Variants in DLGAP4 observed in about 807,000 individuals in gnomAD.
The protein encoded by DLGAP4 is DLG associated protein 4, also known as disks large-associated protein 4.
DLGAP4 carries 18 observed loss-of-function variants against 86.9 expected under a neutral mutation model. That is an observed-to-expected ratio of 0.21 (90% CI 0.14 to 0.31). The LOEUF (loss-of-function observed/expected upper bound fraction) is 0.31. DLGAP4 is among the 10% of genes least tolerant of loss of function. DLGAP4 has a pLI of 1.00. For synonymous variants in DLGAP4, 548 were observed against 574.3 expected (o/e 0.95, Z 0.65); for missense variants, 1,085 against 1,362.6 (o/e 0.80, Z 3.21).
chr20:36,371,982 ACTT>A (rs1376902058), intron 2 of DLGAP4, among the ~76,000 whole-genome samples: 8 of 151,986 alleles, frequency 5.3e-5, no homozygotes, highest in Non-Finnish European at 1.2e-4. Context: ...TGCCTAGGGT[ACTT>A]CTTCTCTCCT....
intron 7 of DLGAP4, among the ~76,000 whole-genome samples, chr20:36,470,632 T>A (rs981237201): frequency 6.6e-6 from 1 of 151,460 alleles, no homozygotes; most frequent in African/African-American, 2.4e-5. Flanking sequence ...AGACACCTAA[T>A]CACTGTGACG....
chr20:36,394,564 C>T (rs1453657311), intron 2 of DLGAP4, among the ~76,000 whole-genome samples: 1 of 152,166 alleles, frequency 6.6e-6, no homozygotes, highest in African/African-American at 2.4e-5. Flanking sequence ...GTGCACGTGG[C>T]CCTGGGTACA....
intron 2 of DLGAP4, among the ~76,000 whole-genome samples, chr20:36,402,789 C>G (rs1030521326): frequency 6.6e-6 from 1 of 152,112 alleles, no homozygotes; most frequent in Non-Finnish European, 1.5e-5. Flanking sequence ...TTTACTCCTC[C>G]TAGTCACCCT....
rs1276148738 is a variant in DLGAP4 at position 36,409,097 on chromosome 20, G to A, written c.-72-22549G>A. On this transcript the variant is annotated intron_variant, in intron 2 of 12. Transcript: ENST00000339266. ...GTCACCCAGGCTGGAGTGTGGTGGC[G>A]CCATCTTGGCTCACTGCAACCTCCA... 3.4e-5 allele frequency among the ~76,000 whole-genome samples: 5 copies of A among 146,744 alleles called. No homozygotes were observed. In the East Asian group the frequency reaches 6.1e-4, roughly 18 times the overall value.
intron 12 of DLGAP4, 115 bp from the exon 13 acceptor site, chr20:36,526,698 C>T (rs556824682): frequency 2.5e-5 from 24 of 941,938 alleles, no homozygotes; most frequent in East Asian, 1.6e-4. Flanking sequence ...TGCTTGTGCC[C>T]GATGCGGGGA....
At chr20:36,465,127 T>A (rs889730636) in intron 7 of DLGAP4, 1 of 152,114 alleles carries the variant, frequency 6.6e-6, no homozygotes, top group African/African-American at 2.4e-5. Flanking sequence ...GTGACTTTTC[T>A]CTTTGTAGGA....
At chr20:36,368,261 G>A (rs557869305) in intron 2 of DLGAP4, among the ~76,000 whole-genome samples, 1 of 152,298 alleles carries the variant, frequency 6.6e-6, no homozygotes, top group Admixed American at 6.5e-5. Context: ...CAGATGGCTT[G>A]CGGTGAGCCC....
chr20:36,517,297 G>C (rs578000535), intron 10 of DLGAP4, among the ~76,000 whole-genome samples: 39 of 152,232 alleles, frequency 2.6e-4, no homozygotes, highest in African/African-American at 9.1e-4. Context: ...AGAATTGCAT[G>C]AACCTGGGAG....
intron 7 of DLGAP4, among the ~76,000 whole-genome samples, chr20:36,466,423 T>C (rs2034355256): frequency 6.6e-6 from 1 of 152,238 alleles, no homozygotes; most frequent in Non-Finnish European, 1.5e-5. Context: ...TACTTGGTCC[T>C]GGCAGCAGGC....
intron 2 of DLGAP4, among the ~76,000 whole-genome samples, chr20:36,429,814 C>G (rs148789344): frequency 3.3e-5 from 5 of 152,336 alleles, no homozygotes; most frequent in Admixed American, 1.3e-4. Context: ...AATAACCACA[C>G]CTGCCAAGTT....
intron 1 of DLGAP4, among the ~76,000 whole-genome samples, chr20:36,312,378 C>T (rs1460655947): frequency 2.7e-5 from 4 of 148,670 alleles, no homozygotes; most frequent in Non-Finnish European, 5.9e-5. Context: ...AACACACGCA[C>T]ACACACACAC....
At chr20:36,481,478 C>T (rs770033233) in intron 7 of DLGAP4, among the ~76,000 whole-genome samples, 3 of 152,182 alleles carry the variant, frequency 2.0e-5, no homozygotes, top group Non-Finnish European at 2.9e-5. Flanking sequence ...TCACACGCCC[C>T]GTTTGTGACA....
At chr20:36,316,103 C>T (rs2065096692) in intron 1 of DLGAP4, among the ~76,000 whole-genome samples, 1 of 152,206 alleles carries the variant, frequency 6.6e-6, no homozygotes, top group Non-Finnish European at 1.5e-5. Flanking sequence ...AAGGTGGGCT[C>T]CTTCCCCATT....
chr20:36,364,469 C>T (rs576295552), intron 1 of DLGAP4, among the ~76,000 whole-genome samples: 28 of 152,314 alleles, frequency 1.8e-4, no homozygotes, highest in African/African-American at 6.0e-4. Context: ...AGTATATTTA[C>T]AGGGTTGTGT....
chr20:36,499,984 C>G (rs937419133), intron 9 of DLGAP4, among the ~76,000 whole-genome samples: 1 of 152,126 alleles, frequency 6.6e-6, no homozygotes, highest in Non-Finnish European at 1.5e-5. Context: ...TGACCTTGTC[C>G]TCGTGTGTGT....
chr20:36,394,879 C>T (rs1342787074), intron 2 of DLGAP4, among the ~76,000 whole-genome samples: 1 of 152,206 alleles, frequency 6.6e-6, no homozygotes, highest in East Asian at 1.9e-4. Context: ...TAGCATGCCA[C>T]TGCCTGGGCG....
chr20:36,472,004 T>G (rs769791851), intron 7 of DLGAP4, among the ~76,000 whole-genome samples: 1 of 152,112 alleles, frequency 6.6e-6, no homozygotes, highest in Non-Finnish European at 1.5e-5. Flanking sequence ...AGTCGGTAGA[T>G]CCGAGAGAGG....
Position 36,436,293 on chromosome 20 carries a change from G to A in DLGAP4, c.1184G>A (p.Arg395His). The A allele has an allele frequency of 6.2e-7, 1 of 1,604,392 alleles. No homozygotes were observed. The highest frequency in any genetic ancestry group is 8.5e-7 in the Non-Finnish European group (1 of 1,179,028). The change falls in exon 4 of 13, where the codon CGC (arginine) becomes CAC (histidine). Residue 395 changes from arginine to histidine, a missense_variant. By Grantham distance (29) the Arg-to-His change is conservative (BLOSUM62 0). This residue lies in a region of DLGAP4 where 1,082 missense variants were observed against 1,344.1 expected (regional missense o/e 0.81). Coordinates refer to ENST00000339266, the MANE Select transcript of DLGAP4 (RefSeq NM_001365621.2). ...PKPSPKTAARRQSYLRATQQS... is the reference protein window; with the variant it reads ...PKPSPKTAARHQSYLRATQQS... ...CCCTCACCCAAGACCGCGGCGCGGC[G>A]CCAGAGCTATCTGAGGGCCACGCAG...
chr20:36,489,019 G>A (rs2035542943), intron 7 of DLGAP4, among the ~76,000 whole-genome samples: 1 of 152,218 alleles, frequency 6.6e-6, no homozygotes, highest in South Asian at 2.1e-4. Flanking sequence ...ACTGGGCAGT[G>A]CTTCAGCATT....
Sources: allele counts gnomAD v4.1 joint callset (sites outside exome capture counted in the v4.1 genomes callset), GRCh38; gene constraint gnomAD v4.1.1; regional missense constraint gnomAD v4.1.1; transcripts MANE v1.5; gene names NCBI Gene and HGNC (gene_info 2026-07-23, HGNC 2026-07-21).